The following KANK1 variants were observed in gnomAD, a reference collection of about 807,000 sequenced individuals.
KANK1 encodes KN motif and ankyrin repeat domains 1, also known as KN motif and ankyrin repeat domain-containing protein 1.
A neutral mutation model predicts 106.2 loss-of-function variants in KANK1; 109 were observed. That is an observed-to-expected ratio of 1.03 (90% CI 0.88 to 1.20). The LOEUF is 1.20. KANK1 is among the 50% of genes most tolerant of loss of function. The probability of loss-of-function intolerance (pLI) is 0.00; values close to 1 mark genes in which losing one functional copy is unlikely to be tolerated. For missense variants in KANK1, 2,399 were observed against 1,710.7 expected (o/e 1.40, Z -7.10); for synonymous variants, 873 against 652.2 (o/e 1.34, Z -5.16).
intron 3 of KANK1, chr9:495,291 G>C (rs560683425): frequency 6.6e-6 from 1 of 152,274 alleles, no homozygotes; most frequent in South Asian, 2.1e-4. Context: ...ATCATGGCTA[G>C]AAGAAAAAAG....
chr9:581,100 C>G (rs760796927), intron 1 of KANK1, among the ~76,000 whole-genome samples: 35 of 152,116 alleles, frequency 2.3e-4, no homozygotes, highest in African/African-American at 7.7e-4. Context: ...CTGGCCTACC[C>G]AGAACTCCTG....
intron 3 of KANK1, among the ~76,000 whole-genome samples, chr9:715,167 C>T (rs1353836595): frequency 1.3e-5 from 2 of 152,088 alleles, no homozygotes; most frequent in Non-Finnish European, 2.9e-5. Context: ...AATATGACAG[C>T]TCATGTGTGG....
At chr9:744,398 C>A in intron 10 of KANK1, 93 bp from the exon 11 acceptor site, 4 of 1,418,870 alleles carry the variant, frequency 2.8e-6, no homozygotes, top group Non-Finnish European at 3.8e-6. Context: ...GGGAACCTTG[C>A]CAATTATTGG....
chr9:668,071 G>A (rs1392051143), intron 1 of KANK1, among the ~76,000 whole-genome samples: 2 of 152,116 alleles, frequency 1.3e-5, no homozygotes, highest in African/African-American at 4.8e-5. Flanking sequence ...TTATTCCATT[G>A]TGGTCAGAAA....
chr9:476,049 C>T (rs900563869), intron 3 of KANK1, among the ~76,000 whole-genome samples: 9 of 151,268 alleles, frequency 5.9e-5, no homozygotes, highest in African/African-American at 1.5e-4. Flanking sequence ...GACAAGTTTT[C>T]GCCACATTGA....
intron 1 of KANK1, among the ~76,000 whole-genome samples, chr9:613,772 C>CT (rs1831132989): frequency 6.6e-6 from 1 of 151,846 alleles, no homozygotes; most frequent in East Asian, 1.9e-4. Context: ...TTCATGAGCC[C>CT]CTTAAGTTTT....
intron 1 of KANK1, among the ~76,000 whole-genome samples, chr9:508,842 T>G (rs2058897244): frequency 6.6e-6 from 1 of 152,232 alleles, no homozygotes; most frequent in South Asian, 2.1e-4. Context: ...GTAGTGTGAC[T>G]ATGAACATTC....
chr9:536,268 G>C (rs149211143), intron 1 of KANK1, among the ~76,000 whole-genome samples: 45 of 152,290 alleles, frequency 3.0e-4, no homozygotes, highest in African/African-American at 1.1e-3. Flanking sequence ...TTGAAACCCA[G>C]GAGGCAGAGT....
rs143705747 is a variant in KANK1, at chr9:578,205, A to G, written c.-84+73451A>G. Reference sequence around the variant, plus strand: ...ATCACCCCAGAAATAAATCAGTAAAAGCATTCACCTTTTGTTTTATTTGCT... The same window carrying G: ...ATCACCCCAGAAATAAATCAGTAAAGGCATTCACCTTTTGTTTTATTTGCT... On this transcript the variant is annotated intron_variant, in intron 1 of 11. Coordinates refer to ENST00000382297, the MANE Select transcript of KANK1 (RefSeq NM_015158.5). 8.3e-4 allele frequency among the ~76,000 whole-genome samples: 127 copies of G among 152,358 alleles called. 1 individual carries two copies. The highest frequency in any genetic ancestry group is 3.0e-3 in the African/African-American group (124 of 41,584).
At chr9:580,742 C>T (rs1821880492) in intron 1 of KANK1, among the ~76,000 whole-genome samples, 1 of 152,266 alleles carries the variant, frequency 6.6e-6, no homozygotes, top group South Asian at 2.1e-4. Flanking sequence ...GCAGGCGGAG[C>T]TGCCTGCCAG....
chr9:604,298 C>G (rs1486496577), intron 1 of KANK1, among the ~76,000 whole-genome samples: 2 of 151,664 alleles, frequency 1.3e-5, no homozygotes, highest in East Asian at 1.9e-4. Context: ...CTGTGTGTCC[C>G]TACCCAAATC....
intron 1 of KANK1, among the ~76,000 whole-genome samples, chr9:525,253 C>T (rs990269681): frequency 6.6e-6 from 1 of 151,394 alleles, no homozygotes; most frequent in Non-Finnish European, 1.5e-5. Context: ...CCTTGGCCTC[C>T]CAAAGTGCTG....
chr9:727,405 T>C (rs968897777), intron 3 of KANK1, among the ~76,000 whole-genome samples: 1 of 151,592 alleles, frequency 6.6e-6, no homozygotes, highest in South Asian at 2.1e-4. Flanking sequence ...AACCTCTGCC[T>C]CCCGGGTTCA....
At chr9:550,812 CTAT>C (rs1232710352) in intron 1 of KANK1, among the ~76,000 whole-genome samples, 1 of 152,144 alleles carries the variant, frequency 6.6e-6, no homozygotes, top group Admixed American at 6.5e-5. Context: ...TCATTTCATC[CTAT>C]TTCTTTTTCC....
At chr9:574,686 C>G (rs1420119274) in intron 1 of KANK1, among the ~76,000 whole-genome samples, 1 of 151,824 alleles carries the variant, frequency 6.6e-6, no homozygotes, top group African/African-American at 2.4e-5. Context: ...GAAACCCCAT[C>G]TCTACTAAAA....
At chr9:598,235 C>T (rs1826712721) in intron 1 of KANK1, among the ~76,000 whole-genome samples, 1 of 151,654 alleles carries the variant, frequency 6.6e-6, no homozygotes, top group Non-Finnish European at 1.5e-5. Flanking sequence ...TATCCCTATA[C>T]TAGTACTACA....
At chr9:718,953 C>CTTTTTTTTTT (rs35097931) in intron 3 of KANK1, among the ~76,000 whole-genome samples, 2 of 78,280 alleles carry the variant, frequency 2.6e-5, no homozygotes, top group African/African-American at 1.0e-4. Context: ...TGCTCGAGCC[C>CTTTTTTTTTT]TTTTTTTTTT....
intron 3 of KANK1, among the ~76,000 whole-genome samples, chr9:492,923 C>T (rs2058400575): frequency 6.6e-6 from 1 of 151,180 alleles, no homozygotes; most frequent in Non-Finnish European, 1.5e-5. Flanking sequence ...ACTCGGGAGG[C>T]TGAGGCAGGA....
At chr9:647,715 T>C (rs959879532) in intron 1 of KANK1, among the ~76,000 whole-genome samples, 1 of 150,896 alleles carries the variant, frequency 6.6e-6, no homozygotes, top group African/African-American at 2.5e-5. Context: ...GAGCTATTTT[T>C]TACTTGTTAA....
Sources: gnomAD v4.1 joint callset for allele counts (sites outside exome capture counted in the v4.1 genomes callset) on GRCh38, gnomAD v4.1.1 for gene constraint, MANE v1.5 for transcripts, NCBI Gene and HGNC (gene_info 2026-07-23, HGNC 2026-07-21) for gene names.